The following IQCH variants were observed in gnomAD, a reference collection of about 807,000 sequenced individuals.
IQCH encodes the protein IQ motif containing H, also known as IQ domain-containing protein H.
Under a neutral mutation model 117.0 loss-of-function variants are expected in IQCH, and 98 were observed. That is an observed-to-expected ratio of 0.84 (90% CI 0.71 to 0.99). The LOEUF is 0.99. IQCH is among the 50% of genes least tolerant of loss of function. The pLI is 0.00. For missense variants in IQCH, 1,102 were observed against 1,243.8 expected (o/e 0.89, Z 1.72); for synonymous variants, 412 against 448.2 (o/e 0.92, Z 1.02).
Position 67,458,851 on chromosome 15 carries a change from C to G in IQCH, c.2506-6276C>G, listed in dbSNP as rs2082721725. 6.6e-6 allele frequency among the ~76,000 whole-genome samples: 1 copy of G among 152,220 alleles called. No individual in the cohort carries two copies. The highest frequency in any genetic ancestry group is 2.4e-5 in the African/African-American group (1 of 41,446). On this transcript the variant is annotated intron_variant, in intron 16 of 20. Transcript: ENST00000335894. This position sits in a 1 kb window ranked among gnomAD's most constrained non-coding sequence, Gnocchi z 4.1. ...CCAACCAGCTACTGAGCATGATGGG[C>G]CGTGTATCACAGTTCACCCTGAAGG...
At position 67,453,353 on chromosome 15, in the gene IQCH, G is replaced by C. The variant is rs1423126685; in HGVS notation, c.2506-11774G>C. Among the ~76,000 whole-genome samples, 2 of 151,940 alleles carry C rather than the reference G, an allele frequency of 1.3e-5. No homozygotes were observed. The highest frequency in any genetic ancestry group is 6.6e-5 in the Admixed American group (1 of 15,264). On this transcript the variant is annotated intron_variant, in intron 16 of 20. Transcript: ENST00000335894. The surrounding 1 kb of genome is among the most constrained non-coding windows in gnomAD (Gnocchi z 5.8). ...GCTCTGTTTTTTTCCCATCTTTGTG[G>C]TTTTATCTACCTTTGGTCTTTGATG...
chr15:67,448,479 G>A (rs1274936261), intron 16 of IQCH, among the ~76,000 whole-genome samples: 1 of 149,886 alleles, frequency 6.7e-6, no homozygotes, highest in East Asian at 2.0e-4. Flanking sequence ...GCAGTGTTTG[G>A]TTTTTTGTCC....
At chr15:67,478,931 A>G (rs1490852607) in intron 18 of IQCH, among the ~76,000 whole-genome samples, 4 of 152,172 alleles carry the variant, frequency 2.6e-5, no homozygotes, top group South Asian at 4.1e-4. Flanking sequence ...TCAAAAAAAA[A>G]AGAAAGAAAT....
Position 67,417,595 on chromosome 15 carries a change from A to G in IQCH, c.2218+544A>G, listed in dbSNP as rs2081608061. The stretch of plus-strand genomic sequence containing the variant: ...CAAGGGTTTTCTACAATCCAGGAAC[A>G]AAGCGAGCCTCCATTCCTTTCATCC... On this transcript the variant is annotated intron_variant, in intron 15 of 20. Coordinates refer to ENST00000335894, the MANE Select transcript of IQCH (RefSeq NM_001031715.3). The surrounding 1 kb of genome is among the most constrained non-coding windows in gnomAD (Gnocchi z 4.3). Among the ~76,000 whole-genome samples, 1 of 152,230 alleles carries G rather than the reference A, an allele frequency of 6.6e-6. No homozygotes were observed. Among genetic ancestry groups the G allele is most frequent in the Admixed American group, 6.5e-5 (1 of 15,282 alleles).
chr15:67,363,292 G>T (rs1308900051), intron 8 of IQCH, among the ~76,000 whole-genome samples: 1 of 148,186 alleles, frequency 6.7e-6, no homozygotes, highest in African/African-American at 2.5e-5. Context: ...TGGGAGTGCA[G>T]TGGCATGATC....
rs139487108 is a variant in IQCH at position 67,284,748 on chromosome 15, G to A, written c.387+5236G>A. On this transcript the variant is annotated intron_variant, in intron 4 of 20. Coordinates refer to ENST00000335894, the MANE Select transcript of IQCH (RefSeq NM_001031715.3). ...CCTGCATTAGCTTGCTAAGGATAATGGCCTCCAGCTCCATTCATGTCCCTG... is the reference window on the plus strand; with the variant it reads ...CCTGCATTAGCTTGCTAAGGATAATAGCCTCCAGCTCCATTCATGTCCCTG... Among the ~76,000 whole-genome samples the A allele has an allele frequency of 2.5e-3, 383 of 152,198 alleles. 5 individuals are homozygous for A. Among genetic ancestry groups the A allele is most frequent in the East Asian group, 0.012 (61 of 5,178 alleles).
chr15:67,351,602 G>A (rs1969666411), intron 6 of IQCH, among the ~76,000 whole-genome samples: 1 of 152,140 alleles, frequency 6.6e-6, no homozygotes, highest in Admixed American at 6.5e-5. Context: ...TAAAGTCATT[G>A]CATCAATTTA....
chr15:67,287,557 A>G (rs553824309), intron 4 of IQCH, among the ~76,000 whole-genome samples: 48 of 152,158 alleles, frequency 3.2e-4, no homozygotes, highest in Non-Finnish European at 5.7e-4. Context: ...TTATTGGCAT[A>G]TAATTCCTCA....
chr15:67,312,638 T>G (rs1340883510), intron 4 of IQCH, among the ~76,000 whole-genome samples: 2 of 152,164 alleles, frequency 1.3e-5, no homozygotes, highest in African/African-American at 2.4e-5. Context: ...TTTTGCCTAA[T>G]TACTGTTGCT....
chr15:67,311,707 T>G (rs1967605435), intron 4 of IQCH, among the ~76,000 whole-genome samples: 1 of 151,982 alleles, frequency 6.6e-6, no homozygotes, highest in Non-Finnish European at 1.5e-5. Flanking sequence ...ACTAAATTCT[T>G]ATAAAATTTG....
In IQCH at chr15:67,342,067, T is replaced by G. The variant is rs1969200238; in HGVS notation, c.509-1996T>G. On this transcript the variant is annotated intron_variant, in intron 5 of 20. Transcript: ENST00000335894. This position sits in a 1 kb window ranked among gnomAD's most constrained non-coding sequence, Gnocchi z 4.7. ...AGGAAGATTGCTTGAAACCGGGAGT[T>G]CAAGACTAGCCTGGACAATATAGCA... Among the ~76,000 whole-genome samples, 1 of 151,614 alleles carries G rather than the reference T, an allele frequency of 6.6e-6. No homozygotes were observed. The highest frequency in any genetic ancestry group is 2.4e-5 in the African/African-American group (1 of 41,212).
At chr15:67,478,555 GATA>G (rs2083263044) in intron 18 of IQCH, among the ~76,000 whole-genome samples, 1 of 151,284 alleles carries the variant, frequency 6.6e-6, no homozygotes, top group Admixed American at 6.6e-5. Flanking sequence ...AGAAGAAAAA[GATA>G]AGAGAAGAGA....
At chr15:67,412,961 G>A (rs1402775706) in intron 14 of IQCH, among the ~76,000 whole-genome samples, 1 of 152,110 alleles carries the variant, frequency 6.6e-6, no homozygotes, top group Non-Finnish European at 1.5e-5. Context: ...GCAGAGTGTT[G>A]CTGAAAGTAC....
Position 67,254,937 on chromosome 15 carries a change from T to A in IQCH, c.41T>A (p.Ile14Asn). ...NTENHDPVGSILIQIHEDLYQ... is the reference protein window; with the variant it reads ...NTENHDPVGSNLIQIHEDLYQ... Reference sequence around the variant, plus strand: ...GAAAACCACGACCCTGTCGGATCCATCTTAATCCAGGTGGGAAACGGGCTT... The same window carrying A: ...GAAAACCACGACCCTGTCGGATCCAACTTAATCCAGGTGGGAAACGGGCTT... The change falls in exon 1 of 21, where the codon ATC becomes AAC. Residue 14 changes from isoleucine (I) to asparagine (N), a missense_variant. Physicochemically the swap from Ile to Asn is moderately radical, Grantham distance 149. Transcript: ENST00000335894. The A allele has an allele frequency of 6.2e-7, 1 of 1,613,614 alleles. No homozygotes were observed. Among genetic ancestry groups the A allele is most frequent in the Non-Finnish European group, 8.5e-7 (1 of 1,179,736 alleles).
At position 67,500,025 on chromosome 15, in the gene IQCH, G is replaced by A. The variant is rs1252141415; in HGVS notation, c.2971-608G>A. 6.6e-6 allele frequency among the ~76,000 whole-genome samples: 1 copy of A among 152,098 alleles called. No individual in the cohort carries two copies. The highest frequency in any genetic ancestry group is 1.5e-5 in the Non-Finnish European group (1 of 68,000). The stretch of plus-strand genomic sequence containing the variant: ...AGTTTCTATTTGGGGTGATGAAAAT[G>A]TTCTGGAATTATATAGTAGCGATGG... On this transcript the variant is annotated intron_variant, in intron 20 of 20. Transcript: ENST00000335894. The surrounding 1 kb of genome is among the most constrained non-coding windows in gnomAD (Gnocchi z 4.4).
Position 67,393,933 on chromosome 15 carries a change from G to GAA in IQCH, c.1633-1357_1633-1356insAA, listed in dbSNP as rs887240396. On this transcript the variant is annotated intron_variant, in intron 12 of 20. Transcript: ENST00000335894. This position sits in a 1 kb window ranked among gnomAD's most constrained non-coding sequence, Gnocchi z 5.5. ...TTGTGATCTTATTTTAAAAGCCTTA[G>GAA]AGCAACCCCAGCAAATGGGTAATTT... Among the ~76,000 whole-genome samples the GAA allele has an allele frequency of 2.0e-5, 3 of 152,100 alleles. No individual in the cohort carries two copies. The highest frequency in any genetic ancestry group is 7.2e-5 in the African/African-American group (3 of 41,402).
Position 67,457,530 on chromosome 15 carries a change from C to T in IQCH, c.2506-7597C>T, listed in dbSNP as rs1332025989. Among the ~76,000 whole-genome samples, 3 of 152,206 alleles carry T rather than the reference C, an allele frequency of 2.0e-5. No homozygotes were observed. The highest frequency in any genetic ancestry group is 4.4e-5 in the Non-Finnish European group (3 of 68,040). Reference sequence around the variant, plus strand: ...AGAACCAAGTGAATTCTTACACCTGCTCAAACTCTGCTCCCAACAGTCAGA... The same window carrying T: ...AGAACCAAGTGAATTCTTACACCTGTTCAAACTCTGCTCCCAACAGTCAGA... On this transcript the variant is annotated intron_variant, in intron 16 of 20. Coordinates refer to ENST00000335894, the MANE Select transcript of IQCH (RefSeq NM_001031715.3). The surrounding 1 kb of genome is among the most constrained non-coding windows in gnomAD (Gnocchi z 5.7).
rs190975133 is a variant in IQCH at position 67,391,030 on chromosome 15, C to T, written c.1632+2024C>T. ...CTTACTTCTCTGGTCCTCTGGTCCT[C>T]ATCTATAAAATGAGATCCTGGATTA... On this transcript the variant is annotated intron_variant, in intron 12 of 20. Transcript: ENST00000335894. This position sits in a 1 kb window ranked among gnomAD's most constrained non-coding sequence, Gnocchi z 4.3. 1.6e-3 allele frequency among the ~76,000 whole-genome samples: 236 copies of T among 152,246 alleles called. 1 individual carries two copies. The highest frequency in any genetic ancestry group is 3.4e-3 in the Middle Eastern group (1 of 294).
intron 20 of IQCH, among the ~76,000 whole-genome samples, chr15:67,499,832 G>A (rs1458436802): frequency 6.6e-6 from 1 of 152,110 alleles, no homozygotes; most frequent in Non-Finnish European, 1.5e-5. Context: ...GACGAACCTT[G>A]AAAACATTAT....
Sources: gnomAD v4.1 joint callset for allele counts (sites outside exome capture counted in the v4.1 genomes callset) on GRCh38, gnomAD v4.1.1 for gene constraint, Gnocchi (gnomAD v3.1) non-coding constraint, MANE v1.5 for transcripts, NCBI Gene and HGNC (gene_info 2026-07-23, HGNC 2026-07-21) for gene names.